The following SLC25A37 variants were observed in gnomAD, a reference collection of about 807,000 sequenced individuals.
SLC25A37 encodes the protein solute carrier family 25 member 37.
In SLC25A37, 17 loss-of-function variants were observed where a neutral mutation model predicts 31.0. That is an observed-to-expected ratio of 0.55 (90% CI 0.38 to 0.82). The LOEUF (loss-of-function observed/expected upper bound fraction) is 0.82. Among genes scored for constraint, SLC25A37 ranks in the 40% least tolerant of loss-of-function variants. The pLI, the probability that SLC25A37 is intolerant of heterozygous loss-of-function variation, is 0.00. For missense variants in SLC25A37, 404 were observed against 465.8 expected (o/e 0.87, Z 1.22); for synonymous variants, 222 against 193.0 (o/e 1.15, Z -1.24).
chr8:23,540,002 A>G (rs1285810493), intron 1 of SLC25A37, among the ~76,000 whole-genome samples: 1 of 152,248 alleles, frequency 6.6e-6, no homozygotes, highest in African/African-American at 2.4e-5. Context: ...CCCCATTAAT[A>G]TCAGCTCCTC....
At chr8:23,530,869 C>T (rs1801648325) in intron 1 of SLC25A37, among the ~76,000 whole-genome samples, 1 of 152,208 alleles carries the variant, frequency 6.6e-6, no homozygotes, top group African/African-American at 2.4e-5. Flanking sequence ...GCCTTCTGAG[C>T]ACCCTTTGAC....
intron 1 of SLC25A37, among the ~76,000 whole-genome samples, chr8:23,555,580 A>G (rs1428622023): frequency 6.6e-6 from 1 of 152,212 alleles, no homozygotes; most frequent in Non-Finnish European, 1.5e-5. Flanking sequence ...TGCCCCTAGC[A>G]ATAGCAGTGC....
intron 1 of SLC25A37, among the ~76,000 whole-genome samples, chr8:23,531,322 C>T (rs373037487): frequency 2.4e-4 from 36 of 152,322 alleles, no homozygotes; most frequent in South Asian, 2.1e-3. Flanking sequence ...TGGATGATGG[C>T]GAAGACCGGG....
In SLC25A37 at chr8:23,571,607, G is replaced by C. The variant is rs898400813; in HGVS notation, c.769G>C (p.Val257Leu). ...LAAAATTPLDVCKTLLNTQEN... is the reference protein window; with the variant it reads ...LAAAATTPLDLCKTLLNTQEN... Reference sequence around the variant, plus strand: ...CGCGGCCGCCACGACCCCCCTGGACGTCTGTAAGACCCTTCTGAACACTCA... The same window carrying C: ...CGCGGCCGCCACGACCCCCCTGGACCTCTGTAAGACCCTTCTGAACACTCA... The change falls in exon 4 of 4, where the codon GTC (valine) becomes CTC (leucine). Residue 257 changes from valine to leucine, a missense_variant. Transcript: ENST00000519973. The C allele has an allele frequency of 6.2e-7, 1 of 1,613,772 alleles. No homozygotes were observed. The highest frequency in any genetic ancestry group is 2.2e-5 in the East Asian group (1 of 44,888).
chr8:23,568,481 C>G, intron 3 of SLC25A37, 103 bp downstream of exon 3: 1 of 1,304,142 alleles, frequency 7.7e-7, no homozygotes, highest in Non-Finnish European at 1.1e-6. Flanking sequence ...CAGAGCGGCT[C>G]CTAGTCTCCA....
At chr8:23,547,701 A>G (rs2117412459) in intron 1 of SLC25A37, among the ~76,000 whole-genome samples, 1 of 152,350 alleles carries the variant, frequency 6.6e-6, no homozygotes, top group Non-Finnish European at 1.5e-5. Flanking sequence ...CCAGCGGCCC[A>G]TGTACCATGT....
At chr8:23,534,878 A>G (rs909585635) in intron 1 of SLC25A37, among the ~76,000 whole-genome samples, 1 of 152,106 alleles carries the variant, frequency 6.6e-6, no homozygotes, top group Admixed American at 6.6e-5. Context: ...CATGATTGCC[A>G]TCACTTTCTC....
chr8:23,572,084 A>G lies in SLC25A37; in HGVS notation c.*229A>G. The G allele has an allele frequency of 2.0e-6, 1 of 508,268 alleles. No homozygotes were observed. Among genetic ancestry groups the G allele is most frequent in the Non-Finnish European group, 3.5e-6 (1 of 289,310 alleles). The allele number at this position is 508,268 out of a possible 1,614,324, so 31.5% of individuals were successfully genotyped here. ...GAAGGACTTGGGAAGGGGAGCGAGA[A>G]ATTGCTTTTTCTCTTCCTCCCTGGG... On this transcript the variant is annotated 3_prime_UTR_variant, in exon 4 of 4. Coordinates refer to ENST00000519973, the MANE Select transcript of SLC25A37 (RefSeq NM_016612.4).
rs185403170 is a variant in SLC25A37, at chr8:23,537,016, C to T, written c.210+7804C>T. Among the ~76,000 whole-genome samples, 7 of 152,110 alleles carry T rather than the reference C, an allele frequency of 4.6e-5. No individual in the cohort carries two copies. In the East Asian group the frequency reaches 9.7e-4, roughly 21 times the overall value. ...TTGGAGACCAGCCTGGGCAACATAG[C>T]GAGACCCCATAGGTACAAAAAATAA... On this transcript the variant is annotated intron_variant, in intron 1 of 3. Transcript: ENST00000519973.
Position 23,568,323 on chromosome 8 carries a change from G to T in SLC25A37, c.441G>T (p.Gly147=). ...HHQGNSHLAN[G]IAGSMATLLH... ...AATTTTCTGGAGTTTGTTTTGCAGG[G>T]ATAGCTGGGAGTATGGCCACCCTGC... The change falls in exon 3 of 4, where the codon GGG becomes GGT. Residue 147 remains glycine (G), a splice_region_variant and synonymous_variant. Coordinates refer to ENST00000519973, the MANE Select transcript of SLC25A37 (RefSeq NM_016612.4). The T allele has an allele frequency of 6.2e-7, 1 of 1,613,854 alleles. No homozygotes were observed. Among genetic ancestry groups the T allele is most frequent in the Non-Finnish European group, 8.5e-7 (1 of 1,179,854 alleles).
At chr8:23,530,482 G>C (rs1034530419) in intron 1 of SLC25A37, among the ~76,000 whole-genome samples, 2 of 152,248 alleles carry the variant, frequency 1.3e-5, no homozygotes, top group South Asian at 4.1e-4. Flanking sequence ...TGGACAGGCA[G>C]AAGTCCAGTG....
At chr8:23,532,603 C>G (rs769566075) in intron 1 of SLC25A37, among the ~76,000 whole-genome samples, 1 of 152,148 alleles carries the variant, frequency 6.6e-6, no homozygotes, top group African/African-American at 2.4e-5. Flanking sequence ...GATTTGAAGC[C>G]GGGGGACTTC....
intron 1 of SLC25A37, among the ~76,000 whole-genome samples, chr8:23,555,845 T>A (rs1434480300): frequency 6.6e-6 from 1 of 152,242 alleles, no homozygotes; most frequent in Non-Finnish European, 1.5e-5. Context: ...CCCTCCAACA[T>A]CAGGGTGACC....
intron 1 of SLC25A37, among the ~76,000 whole-genome samples, chr8:23,557,071 G>A (rs959614251): frequency 5.3e-5 from 8 of 152,178 alleles, no homozygotes; most frequent in African/African-American, 1.9e-4. Context: ...GGCTGGTCTC[G>A]AACCCCTGAC....
chr8:23,539,495 C>T (rs954610246), intron 1 of SLC25A37, among the ~76,000 whole-genome samples: 13 of 152,116 alleles, frequency 8.5e-5, no homozygotes, highest in Non-Finnish European at 1.8e-4. Flanking sequence ...GTGGGGGACC[C>T]GGAGGAGTGT....
At position 23,572,203 on chromosome 8, in the gene SLC25A37, TAAAAAAAAAAAAAAAAAAAA is replaced by T. The variant is rs540950017; in HGVS notation, c.*374_*393del. 1.1e-3 allele frequency: 93 copies of T among 86,000 alleles called. No individual in the cohort carries two copies. Among genetic ancestry groups the T allele is most frequent in the African/African-American group, 1.7e-3 (26 of 15,296 alleles). The allele number at this position is 86,000 out of a possible 1,614,324, so 5.3% of individuals were successfully genotyped here. A position where few individuals can be genotyped will look rare whatever the true frequency, so the allele number is the denominator to read the frequency against. ...GAAAATTTGCAGTGACTGAAAACAG[TAAAAAAAAAAAAAAAAAAAA>T]AAAAAAAAAAAAAAAAAAAAAAAAA... On this transcript the variant is annotated 3_prime_UTR_variant, in exon 4 of 4. Transcript: ENST00000519973.
chr8:23,573,911 C>T lies in SLC25A37; in HGVS notation c.*2056C>T, dbSNP rs1563272355. On this transcript the variant is annotated 3_prime_UTR_variant, in exon 4 of 4. Coordinates refer to ENST00000519973, the MANE Select transcript of SLC25A37 (RefSeq NM_016612.4). The stretch of plus-strand genomic sequence containing the variant: ...TCCACGCTACTGTTGAAAATGTTTA[C>T]ATCTCCGCTCTCAACCTGCCTTGGG... The T allele has an allele frequency of 6.6e-6, 3 of 452,024 alleles. No homozygotes were observed. The highest frequency in any genetic ancestry group is 4.7e-5 in the Admixed American group (2 of 42,436). The allele number at this position is 452,024 out of a possible 1,614,324, so 28.0% of individuals were successfully genotyped here.
At chr8:23,530,947 C>T (rs1376642508) in intron 1 of SLC25A37, among the ~76,000 whole-genome samples, 1 of 152,204 alleles carries the variant, frequency 6.6e-6, no homozygotes, top group African/African-American at 2.4e-5. Flanking sequence ...CTGCCCCATA[C>T]ATGTTGATAT....
intron 1 of SLC25A37, among the ~76,000 whole-genome samples, chr8:23,543,600 A>G (rs562518926): frequency 6.6e-6 from 1 of 152,026 alleles, no homozygotes; most frequent in Non-Finnish European, 1.5e-5. Flanking sequence ...GCTGGTTGTG[A>G]TGGCTCATGC....
Sources: allele counts gnomAD v4.1 joint callset (sites outside exome capture counted in the v4.1 genomes callset), GRCh38; gene constraint gnomAD v4.1.1; transcripts MANE v1.5; gene names NCBI Gene and HGNC (gene_info 2026-07-23, HGNC 2026-07-21).